The following KALRN variants were observed in gnomAD, a reference collection of about 807,000 sequenced individuals.
KALRN encodes kalirin.
Under a neutral mutation model 353.7 loss-of-function variants are expected in KALRN, and 70 were observed. The ratio of observed to expected loss-of-function variants is 0.20; its 90% confidence interval spans 0.16 to 0.24. The LOEUF (loss-of-function observed/expected upper bound fraction) is 0.24. KALRN is among the 10% of genes least tolerant of loss of function. The probability of loss-of-function intolerance (pLI) is 1.00; values close to 1 mark genes in which losing one functional copy is unlikely to be tolerated. For missense variants in KALRN, 2,791 were observed against 3,756.7 expected (o/e 0.74, Z 6.72); for synonymous variants, 1,391 against 1,434.8 (o/e 0.97, Z 0.69).
chr3:124,243,057 A>G (rs2080693267), intron 3 of KALRN, among the ~76,000 whole-genome samples: 1 of 152,208 alleles, frequency 6.6e-6, no homozygotes, highest in African/African-American at 2.4e-5. Flanking sequence ...TATTCTAGCG[A>G]TGATCATCTT....
chr3:124,585,003 T>G lies in KALRN; in HGVS notation c.5182+21914T>G, dbSNP rs116742187. The G allele has an allele frequency of 1.4e-3, 1,917 of 1,402,600 alleles. 18 individuals are homozygous for G. The African/African-American group carries it at 0.022, about 16-fold the overall frequency. 86.9% of individuals were successfully genotyped at this position (1,402,600 alleles called of 1,614,324 possible). The stretch of plus-strand genomic sequence containing the variant: ...TAGGGAGGGAAGGGTTGGGGAGGCC[T>G]CTGGGGTAGGCGGATGGGGCTGGGG... On this transcript the variant is annotated intron_variant, in intron 34 of 59. Coordinates refer to ENST00000682506, the MANE Select transcript of KALRN (RefSeq NM_001388419.1).
At chr3:124,108,811 C>G (rs2062565419) in intron 1 of KALRN, among the ~76,000 whole-genome samples, 2 of 152,130 alleles carry the variant, frequency 1.3e-5, no homozygotes, top group East Asian at 3.9e-4. Context: ...CTTACCTAGC[C>G]TGCCTTGGCT....
chr3:124,632,570 G>A lies in KALRN; in HGVS notation c.5333G>A (p.Arg1778His), dbSNP rs368927353. The change falls in exon 35 of 60, where the codon CGT becomes CAT. Residue 1778 changes from arginine to histidine, a missense_variant. Transcript: ENST00000682506. ...AAGAAGTGGCTGACGAGTCCTGTGC[G>A]TCGGCTTAACAGCGGGAAGGCAGAT... is the stretch of plus-strand genomic sequence containing the variant. ...TLKKWLTSPV[R>H]RLNSGKADGN... is the part of the protein sequence containing the mutation. 2.2e-5 allele frequency: 35 copies of A among 1,614,194 alleles called. No individual in the cohort carries two copies. The highest frequency in any genetic ancestry group is 2.7e-5 in the African/African-American group (2 of 75,046).
At chr3:124,539,263 C>T (rs569598753) in intron 33 of KALRN, among the ~76,000 whole-genome samples, 3 of 152,250 alleles carry the variant, frequency 2.0e-5, no homozygotes, top group African/African-American at 7.2e-5. Context: ...CAGTGCAAAC[C>T]TCCCACATGC....
intron 15 of KALRN, among the ~76,000 whole-genome samples, chr3:124,423,290 C>T (rs997567718): frequency 1.3e-5 from 2 of 152,144 alleles, no homozygotes; most frequent in African/African-American, 4.8e-5. Flanking sequence ...GTCAAGCAGT[C>T]CATGGGAAAT....
chr3:124,108,766 G>A (rs2062560575), intron 1 of KALRN, among the ~76,000 whole-genome samples: 1 of 152,196 alleles, frequency 6.6e-6, no homozygotes. Context: ...TTTCTGTGAA[G>A]TTACTAAGAT....
At chr3:124,069,949 G>A (rs1268943897) in intron 1 of KALRN, among the ~76,000 whole-genome samples, 1 of 152,094 alleles carries the variant, frequency 6.6e-6, no homozygotes, top group Non-Finnish European at 1.5e-5. Context: ...GCTGCTGTGC[G>A]AATGGGCTTG....
At chr3:124,449,497 G>A (rs1185530803) in intron 21 of KALRN, among the ~76,000 whole-genome samples, 1 of 152,146 alleles carries the variant, frequency 6.6e-6, no homozygotes, top group Non-Finnish European at 1.5e-5. Flanking sequence ...ACGGAGATGG[G>A]GAAGCTTAGT....
intron 28 of KALRN, among the ~76,000 whole-genome samples, chr3:124,483,333 T>C (rs1179507152): frequency 1.3e-5 from 2 of 152,054 alleles, no homozygotes; most frequent in Admixed American, 6.6e-5. Flanking sequence ...GGCAGATCAT[T>C]TGGGGCCAGG....
At chr3:124,172,415 CA>C (rs2071984229) in intron 1 of KALRN, among the ~76,000 whole-genome samples, 1 of 152,232 alleles carries the variant, frequency 6.6e-6, no homozygotes, top group African/African-American at 2.4e-5. Context: ...CTCCAGATAA[CA>C]AGAAATTCTG....
intron 25 of KALRN, among the ~76,000 whole-genome samples, chr3:124,469,257 T>G (rs142341484): frequency 6.4e-4 from 97 of 152,316 alleles, no homozygotes; most frequent in African/African-American, 2.3e-3. Flanking sequence ...GAGAGTGTGA[T>G]GTGCTGAATG....
At chr3:124,132,864 C>G (rs2149707912) in intron 1 of KALRN, 1 of 154,380 alleles carries the variant, frequency 6.5e-6, no homozygotes, top group Middle Eastern at 5.3e-4. Flanking sequence ...GCCCCTGTCT[C>G]TTTGGGAGTT....
chr3:124,368,868 G>A (rs1053149135), intron 10 of KALRN, among the ~76,000 whole-genome samples: 6 of 152,212 alleles, frequency 3.9e-5, no homozygotes, highest in African/African-American at 9.6e-5. Context: ...GAGACCGGCC[G>A]GCCAACACAG....
intron 57 of KALRN, among the ~76,000 whole-genome samples, chr3:124,704,683 G>A (rs1476440052): frequency 6.6e-6 from 1 of 152,102 alleles, no homozygotes; most frequent in African/African-American, 2.4e-5. Context: ...AAGTAGCTGG[G>A]ACTACAGGCG....
intron 46 of KALRN, 40 bp downstream of exon 46, chr3:124,666,674 C>T (rs934365197): frequency 1.3e-6 from 2 of 1,557,896 alleles, no homozygotes; most frequent in East Asian, 2.2e-5. Context: ...CAAGGAAGAG[C>T]CCAGTTCTTG....
chr3:124,152,129 T>A, intron 1 of KALRN: 1 of 1,307,420 alleles, frequency 7.6e-7, no homozygotes, highest in Non-Finnish European at 1.1e-6. Flanking sequence ...ATAGATCTCA[T>A]GAATCAGATC....
In KALRN at chr3:124,334,441, G is replaced by T; in HGVS notation, c.1593G>T (p.Lys531Asn). 1 of 1,614,112 alleles carries T rather than the reference G, an allele frequency of 6.2e-7. No homozygotes were observed. Among genetic ancestry groups the T allele is most frequent in the Non-Finnish European group, 8.5e-7 (1 of 1,179,974 alleles). Residue 531 changes from lysine (K) to asparagine (N), a missense_variant, in exon 9 of 60, where the codon AAG (lysine) becomes AAT (asparagine). Physicochemically the swap from Lys to Asn is moderately conservative, Grantham distance 94. Around this residue, in one of 11 missense-constraint regions of KALRN, gnomAD observed 366 missense variants for 489.2 expected, o/e 0.75. Transcript: ENST00000682506. This position sits in a 1 kb window ranked among gnomAD's most constrained non-coding sequence, Gnocchi z 4.2. ...TGGAGAGCATCTGGCAGCACCGCAA[G>T]GTGCGGCTCCACCAGCGGCTGCAGC... is the stretch of plus-strand genomic sequence containing the variant. Reference protein sequence around the residue: ...RRLESIWQHRKVRLHQRLQLC... With the variant: ...RRLESIWQHRNVRLHQRLQLC...
chr3:124,275,501 T>C (rs1455379419), intron 5 of KALRN, among the ~76,000 whole-genome samples: 1 of 152,240 alleles, frequency 6.6e-6, no homozygotes, highest in African/African-American at 2.4e-5. Context: ...AGGTTTTGTT[T>C]GTTTGTTTGC....
At chr3:124,369,085 A>G (rs142071479) in intron 10 of KALRN, among the ~76,000 whole-genome samples, 2,339 of 151,656 alleles carry the variant, frequency 0.015, 38 homozygotes, top group African/African-American at 0.044. Flanking sequence ...GAGGGAGAGG[A>G]CACTCTTTTG....
Sources: allele counts gnomAD v4.1 joint callset (sites outside exome capture counted in the v4.1 genomes callset), GRCh38; gene constraint gnomAD v4.1.1; regional missense constraint gnomAD v4.1.1; non-coding constraint Gnocchi (gnomAD v3.1); transcripts MANE v1.5; gene names NCBI Gene and HGNC (gene_info 2026-07-23, HGNC 2026-07-21).